CNTNAP2: variants seen among roughly 807,000 people sequenced by gnomAD.
The protein encoded by CNTNAP2 is contactin associated protein 2.
Under a neutral mutation model 155.2 loss-of-function variants are expected in CNTNAP2, and 98 were observed. That is an observed-to-expected ratio of 0.63 (90% confidence interval 0.54 to 0.75). CNTNAP2 has a LOEUF of 0.75. CNTNAP2 is among the 30% of genes least tolerant of loss of function. The probability of loss-of-function intolerance (pLI) is 0.00; values close to 1 mark genes in which losing one functional copy is unlikely to be tolerated. For synonymous variants in CNTNAP2, 651 were observed against 631.2 expected (o/e 1.03, Z -0.47); for missense variants, 1,727 against 1,688.1 (o/e 1.02, Z -0.40).
intron 10 of CNTNAP2, among the ~76,000 whole-genome samples, chr7:147,431,630 A>G (rs1462705339): frequency 6.6e-6 from 1 of 152,172 alleles, no homozygotes; most frequent in East Asian, 1.9e-4. Context: ...AAAGGTCACT[A>G]ATGACCGCCA....
intron 8 of CNTNAP2, among the ~76,000 whole-genome samples, chr7:147,216,697 G>C (rs570066465): frequency 6.6e-6 from 1 of 151,968 alleles, no homozygotes; most frequent in African/African-American, 2.4e-5. Context: ...TCTAGAATCA[G>C]TTTGTCAATT....
At chr7:146,155,016 A>C (rs1280657312) in intron 1 of CNTNAP2, among the ~76,000 whole-genome samples, 3 of 152,220 alleles carry the variant, frequency 2.0e-5, no homozygotes, top group African/African-American at 7.2e-5. Flanking sequence ...ATTGGTTTGC[A>C]ACCACACATA....
intron 14 of CNTNAP2, among the ~76,000 whole-genome samples, chr7:147,948,504 T>C (rs1401758648): frequency 7.3e-6 from 1 of 136,664 alleles, no homozygotes; most frequent in Non-Finnish European, 1.6e-5. Context: ...AATTTTATTC[T>C]AGCCATTCCA....
rs566945711 is a variant in CNTNAP2, at chr7:147,909,214, C to A, written c.2255+5493C>A. On this transcript the variant is annotated intron_variant, in intron 14 of 23. Transcript: ENST00000361727. ...ATCTCCAAACACCCAGGCCAGTGTT[C>A]TTCCACAATATCAGGATCAAGGAAG... Among the ~76,000 whole-genome samples, 175 of 152,262 alleles carry A rather than the reference C, an allele frequency of 1.1e-3. 2 individuals carry two copies. The highest frequency in any genetic ancestry group is 1.3e-3 in the Non-Finnish European group (90 of 68,016).
At chr7:146,149,144 ATGTTGTGC>A (rs775495171) in intron 1 of CNTNAP2, among the ~76,000 whole-genome samples, 10 of 152,114 alleles carry the variant, frequency 6.6e-5, no homozygotes, top group Non-Finnish European at 1.5e-4. Flanking sequence ...ACAAACCTGC[ATGTTGTGC>A]ACATGTACCC....
At chr7:148,308,551 G>GTATTTATT (rs72136288) in intron 21 of CNTNAP2, among the ~76,000 whole-genome samples, 2 of 148,298 alleles carry the variant, frequency 1.3e-5, no homozygotes, top group African/African-American at 5.0e-5. Context: ...ACCTATTTAT[G>GTATTTATT]TATTTATTTA....
At chr7:146,822,872 C>CTCGTTCT (rs1803317426) in intron 2 of CNTNAP2, among the ~76,000 whole-genome samples, 2 of 149,066 alleles carry the variant, frequency 1.3e-5, no homozygotes, top group African/African-American at 4.9e-5. Flanking sequence ...TGTAAATATA[C>CTCGTTCT]TCATTCTTCA....
intron 13 of CNTNAP2, among the ~76,000 whole-genome samples, chr7:147,873,008 A>G (rs370474575): frequency 1.2e-4 from 19 of 152,354 alleles, no homozygotes; most frequent in South Asian, 1.2e-3. Context: ...TCAATAAAGT[A>G]AAAGTGCTAA....
intron 15 of CNTNAP2, among the ~76,000 whole-genome samples, chr7:148,078,321 T>C (rs6961656): frequency 0.43 from 64,708 of 148,834 alleles, 14,424 homozygotes; most frequent in East Asian, 0.79. Context: ...GCCTTGACCT[T>C]CCAAAGTTCT....
At chr7:148,300,350 TA>T (rs1797361186) in intron 21 of CNTNAP2, among the ~76,000 whole-genome samples, 1 of 152,162 alleles carries the variant, frequency 6.6e-6, no homozygotes, top group South Asian at 2.1e-4. Flanking sequence ...AATACATGTG[TA>T]AAAAGAAAAT....
At chr7:146,596,841 T>A (rs1408519897) in intron 1 of CNTNAP2, among the ~76,000 whole-genome samples, 1 of 152,070 alleles carries the variant, frequency 6.6e-6, no homozygotes, top group Non-Finnish European at 1.5e-5. Context: ...GATATCATAT[T>A]TCATAAGGAC....
At chr7:147,510,850 C>CATCTATATATATATAT (rs1799003757) in intron 11 of CNTNAP2, among the ~76,000 whole-genome samples, 1 of 76,436 alleles carries the variant, frequency 1.3e-5, no homozygotes, top group Non-Finnish European at 2.4e-5. Flanking sequence ...GGCCTACAAC[C>CATCTATATATATATAT]ATATATATAT....
chr7:148,139,601 G>A (rs541546318), intron 16 of CNTNAP2, among the ~76,000 whole-genome samples: 1 of 152,088 alleles, frequency 6.6e-6, no homozygotes, highest in African/African-American at 2.4e-5. Context: ...TCGGCTCACT[G>A]CAACCTCTGG....
chr7:146,293,583 C>CCAT (rs929278191), intron 1 of CNTNAP2, among the ~76,000 whole-genome samples: 1 of 152,068 alleles, frequency 6.6e-6, no homozygotes, highest in African/African-American at 2.4e-5. Context: ...GACTTACAGG[C>CCAT]CATCATTTTC....
At chr7:146,218,104 G>A (rs189983936) in intron 1 of CNTNAP2, among the ~76,000 whole-genome samples, 2 of 152,172 alleles carry the variant, frequency 1.3e-5, no homozygotes, top group Admixed American at 6.5e-5. Context: ...CATAGAATCT[G>A]AATGGAAGCA....
At chr7:148,406,187 G>C (rs1056012058) in intron 22 of CNTNAP2, among the ~76,000 whole-genome samples, 6 of 151,934 alleles carry the variant, frequency 3.9e-5, no homozygotes. Flanking sequence ...AGCTGAGATC[G>C]CGCCACTGCA....
chr7:147,259,413 G>T (rs956507251), intron 8 of CNTNAP2, among the ~76,000 whole-genome samples: 2 of 151,928 alleles, frequency 1.3e-5, no homozygotes, highest in African/African-American at 4.8e-5. Context: ...CCTCGATAAT[G>T]TATAAATAGG....
intron 3 of CNTNAP2, among the ~76,000 whole-genome samples, chr7:146,954,428 A>C (rs1459157638): frequency 6.6e-6 from 1 of 151,940 alleles, no homozygotes; most frequent in African/African-American, 2.4e-5. Context: ...AGTTCACTGA[A>C]GGAAGCAATG....
At chr7:147,794,173 G>A (rs1797858493) in intron 13 of CNTNAP2, among the ~76,000 whole-genome samples, 2 of 151,798 alleles carry the variant, frequency 1.3e-5, no homozygotes, top group African/African-American at 4.8e-5. Context: ...GCCATGACTA[G>A]AACCTCCTAT....
Sources: allele counts gnomAD v4.1 joint callset (sites outside exome capture counted in the v4.1 genomes callset), GRCh38; gene constraint gnomAD v4.1.1; transcripts MANE v1.5; gene names NCBI Gene and HGNC (gene_info 2026-07-23, HGNC 2026-07-21).